GPC3: variants seen among roughly 807,000 people sequenced by gnomAD.
The protein encoded by GPC3 is glypican 3.
Under a neutral mutation model 34.4 loss-of-function variants are expected in GPC3, and 3 were observed. That is an observed-to-expected ratio of 0.09 (90% confidence interval 0.04 to 0.23). GPC3 has a LOEUF of 0.23. Ranked by LOEUF, GPC3 falls within the 10% of genes least tolerant of loss-of-function variation. GPC3 has a pLI of 1.00. For missense variants in GPC3, 351 were observed against 445.6 expected, an observed-to-expected ratio of 0.79 and a Z score of 1.91; for synonymous variants, 177 against 174.0, an observed-to-expected ratio of 1.02 and a Z score of -0.13.
At chrX:133,976,369 T>C (rs1352503556) in intron 1 of GPC3, among the ~76,000 whole-genome samples, 1 of 111,957 alleles carries the variant, frequency 8.9e-6, no homozygotes, top group African/African-American at 3.2e-5. Flanking sequence ...AAAGCAAGGC[T>C]TTCATGAGAC....
chrX:133,601,719 A>G (rs1350697279), intron 6 of GPC3, among the ~76,000 whole-genome samples: 1 of 112,065 alleles, frequency 8.9e-6, no homozygotes, highest in Admixed American at 9.5e-5. Context: ...GGGTATGTAC[A>G]TACTTACACA....
intron 1 of GPC3, among the ~76,000 whole-genome samples, chrX:133,978,670 T>C (rs1385131052): frequency 8.9e-6 from 1 of 112,230 alleles, no homozygotes; most frequent in African/African-American, 3.2e-5. Flanking sequence ...TACTTAAATA[T>C]TGACTTTATG....
At chrX:133,907,463 A>G (rs1241616570) in intron 2 of GPC3, among the ~76,000 whole-genome samples, 2 of 111,688 alleles carry the variant, frequency 1.8e-5, no homozygotes, top group Non-Finnish European at 3.8e-5. Context: ...AAAAGCAAAA[A>G]TAATTGATCA....
chrX:133,791,662 T>C (rs778330148), intron 2 of GPC3, among the ~76,000 whole-genome samples: 7 of 110,272 alleles, frequency 6.3e-5, no homozygotes, highest in Non-Finnish European at 1.3e-4. Flanking sequence ...CTGACCTCAG[T>C]TTTCCTGACC....
intron 2 of GPC3, among the ~76,000 whole-genome samples, chrX:133,806,635 T>TTTTA (rs1302655018): frequency 9.2e-6 from 1 of 109,259 alleles, no homozygotes; most frequent in East Asian, 2.8e-4. Flanking sequence ...ATTTGTTTTA[T>TTTTA]TTTATTTATT....
At chrX:133,938,268 G>C (rs2076331011) in intron 2 of GPC3, among the ~76,000 whole-genome samples, 1 of 111,991 alleles carries the variant, frequency 8.9e-6, no homozygotes, top group Non-Finnish European at 1.9e-5. Flanking sequence ...TATTGTTTTA[G>C]AGATGAAGAA....
intron 2 of GPC3, among the ~76,000 whole-genome samples, chrX:133,934,479 G>A (rs2076313953): frequency 9.1e-6 from 1 of 109,753 alleles, no homozygotes; most frequent in Non-Finnish European, 1.9e-5. Flanking sequence ...ACAGGTGTGA[G>A]CCACCAAGAC....
intron 7 of GPC3, among the ~76,000 whole-genome samples, chrX:133,593,233 C>A (rs2069870954): frequency 1.0e-5 from 1 of 100,345 alleles, no homozygotes; most frequent in Non-Finnish European, 2.0e-5. Context: ...GAGGCTGAGG[C>A]AGGGAGAATC....
intron 1 of GPC3, among the ~76,000 whole-genome samples, chrX:133,954,165 T>C (rs1372071405): frequency 1.8e-5 from 2 of 111,106 alleles, no homozygotes; most frequent in African/African-American, 6.6e-5. Flanking sequence ...TTAAGGGAGA[T>C]GGTGGGCAGG....
intron 2 of GPC3, among the ~76,000 whole-genome samples, chrX:133,808,343 T>A (rs2075646666): frequency 8.9e-6 from 1 of 112,383 alleles, no homozygotes; most frequent in Non-Finnish European, 1.9e-5. Context: ...AATGACAGTT[T>A]GATTTTTTCA....
chrX:133,837,141 T>C (rs2075803716), intron 2 of GPC3, among the ~76,000 whole-genome samples: 1 of 111,859 alleles, frequency 8.9e-6, no homozygotes, highest in Admixed American at 9.5e-5. Flanking sequence ...CTTGGGGTTC[T>C]CTTCTGTAAT....
At chrX:133,548,426 C>A (rs113842814) in intron 7 of GPC3, among the ~76,000 whole-genome samples, 6,839 of 110,904 alleles carry the variant, frequency 0.062, 567 homozygotes, top group African/African-American at 0.21. Flanking sequence ...ATAAATAAAT[C>A]AATAAATAAA....
At chrX:133,745,781 G>A (rs1391023920) in intron 3 of GPC3, among the ~76,000 whole-genome samples, 9 of 112,371 alleles carry the variant, frequency 8.0e-5, no homozygotes, top group Non-Finnish European at 1.3e-4. Flanking sequence ...CCATCCAAGG[G>A]TGGGGGACCA....
intron 2 of GPC3, among the ~76,000 whole-genome samples, chrX:133,784,925 T>C (rs944157334): frequency 8.9e-6 from 1 of 112,039 alleles, no homozygotes; most frequent in Non-Finnish European, 1.9e-5. Context: ...TCTTTCTCTA[T>C]GGATTTGCCT....
chrX:133,823,158 A>C (rs1231527404), intron 2 of GPC3, among the ~76,000 whole-genome samples: 1 of 102,124 alleles, frequency 9.8e-6, no homozygotes, highest in African/African-American at 3.7e-5. Context: ...AAAAAAAAAA[A>C]AAAAAAAACT....
chrX:133,918,831 A>G (rs2076235525), intron 2 of GPC3, among the ~76,000 whole-genome samples: 1 of 112,191 alleles, frequency 8.9e-6, no homozygotes. Context: ...AACTATCAAA[A>G]GATGCTGTCT....
intron 7 of GPC3, among the ~76,000 whole-genome samples, chrX:133,555,807 G>A (rs180672600): frequency 1.8e-3 from 187 of 104,695 alleles, no homozygotes; most frequent in Non-Finnish European, 2.7e-3. Context: ...CAGCCTGGGT[G>A]ACAAGGCGAG....
At chrX:133,628,763 G>A (rs780367588) in intron 6 of GPC3, among the ~76,000 whole-genome samples, 4 of 110,339 alleles carry the variant, frequency 3.6e-5, no homozygotes, top group South Asian at 3.9e-4. Flanking sequence ...AAAATTTTAC[G>A]CAACCAACAT....
chrX:133,561,500 A>G (rs564236408), intron 7 of GPC3, among the ~76,000 whole-genome samples: 31 of 112,286 alleles, frequency 2.8e-4, no homozygotes, highest in African/African-American at 9.7e-4. Context: ...GCTTTTACTG[A>G]TTCATAGACA....
Sources: allele counts gnomAD v4.1 joint callset (sites outside exome capture counted in the v4.1 genomes callset), GRCh38; gene constraint gnomAD v4.1.1; transcripts MANE v1.5; gene names NCBI Gene and HGNC (gene_info 2026-07-23, HGNC 2026-07-21).